Variants in NUDC observed in about 807,000 individuals in gnomAD.
The protein encoded by NUDC is nuclear distribution C, dynein complex regulator.
NUDC carries 14 observed loss-of-function variants against 45.0 expected under a neutral mutation model. That is an observed-to-expected ratio of 0.31 (90% CI 0.21 to 0.49). NUDC has a LOEUF of 0.49. NUDC is among the 20% of genes least tolerant of loss of function. The pLI is 0.99. For missense variants in NUDC, 323 were observed against 426.2 expected, an observed-to-expected ratio of 0.76 and a Z score of 2.13; for synonymous variants, 153 against 156.7, an observed-to-expected ratio of 0.98 and a Z score of 0.17.
intron 2 of NUDC, among the ~76,000 whole-genome samples, chr1:26,936,433 G>A (rs1451723151): frequency 6.6e-6 from 1 of 150,696 alleles, no homozygotes. Context: ...CAGGTGATCC[G>A]CCTGCCTCGG....
intron 8 of NUDC, 64 bp from the exon 9 acceptor site, chr1:26,946,066 C>A: frequency 6.6e-7 from 1 of 1,505,620 alleles, no homozygotes; most frequent in Non-Finnish European, 9.2e-7. Context: ...CACGGGGGTG[C>A]TGGGAGAAGG....
In NUDC at chr1:26,905,711, G is replaced by A. The variant is rs1461562839; in HGVS notation, c.-16+3345G>A. Among the ~76,000 whole-genome samples the A allele has an allele frequency of 1.6e-4, 25 of 152,062 alleles. No individual in the cohort carries two copies. The Admixed American group carries it at 1.6e-3, about 10-fold the overall frequency. On this transcript the variant is annotated intron_variant, in intron 2 of 6. Transcript: ENST00000435827. ...AGGGTATCCCTCACAGAGGAATCTT[G>A]ATGGCTTGCTGCATGCAGGAAGAGG...
chr1:26,940,568 T>C (rs1360692245), intron 2 of NUDC, among the ~76,000 whole-genome samples: 1 of 152,066 alleles, frequency 6.6e-6, no homozygotes, highest in Non-Finnish European at 1.5e-5. Context: ...TGGACTGTGG[T>C]CTTGGAGACA....
rs763022579 is a variant in NUDC at position 26,946,210 on chromosome 1, G to C, written c.*29G>C. On this transcript the variant is annotated 3_prime_UTR_variant, in exon 9 of 9. Transcript: ENST00000321265. Reference sequence around the variant, plus strand: ...CTGTTTTTTCCTCCCTGAACTCTTGGGGCTGAGCTGCAACCACCCAACTTT... The same window carrying C: ...CTGTTTTTTCCTCCCTGAACTCTTGCGGCTGAGCTGCAACCACCCAACTTT... 5.0e-6 allele frequency: 8 copies of C among 1,596,938 alleles called. No individual in the cohort carries two copies. The South Asian group carries it at 8.8e-5, about 18-fold the overall frequency.
chr1:26,900,203 CTG>C (rs1219366737), upstream of NUDC: 7 of 1,614,124 alleles, frequency 4.3e-6, no homozygotes. Flanking sequence ...TGGCCGAAGT[CTG>C]AGAGAGAAGC....
chr1:26,901,662 C>T (rs1333420002), intron 1 of NUDC, among the ~76,000 whole-genome samples: 1 of 152,076 alleles, frequency 6.6e-6, no homozygotes, highest in Non-Finnish European at 1.5e-5. Context: ...GCCTTGGCCT[C>T]CCAAAGTGCT....
At chr1:26,936,734 CAA>C (rs2082237592) in intron 2 of NUDC, among the ~76,000 whole-genome samples, 1 of 152,122 alleles carries the variant, frequency 6.6e-6, no homozygotes, top group Non-Finnish European at 1.5e-5. Flanking sequence ...TTTGTCCTGG[CAA>C]AGTTTCCCAC....
At chr1:26,937,471 G>A (rs569048310) in intron 2 of NUDC, among the ~76,000 whole-genome samples, 2 of 151,870 alleles carry the variant, frequency 1.3e-5, no homozygotes, top group Non-Finnish European at 2.9e-5. Context: ...TGGTATAGAC[G>A]GGGTCTCACC....
intron 2 of NUDC, among the ~76,000 whole-genome samples, chr1:26,907,877 T>A (rs2082009110): frequency 6.6e-6 from 1 of 152,140 alleles, no homozygotes; most frequent in South Asian, 2.1e-4. Flanking sequence ...TTCACAGGTT[T>A]GAGTACAAGT....
At chr1:26,912,650 G>A (rs766382977) in intron 3 of NUDC, among the ~76,000 whole-genome samples, 2 of 152,112 alleles carry the variant, frequency 1.3e-5, no homozygotes, top group African/African-American at 2.4e-5. Flanking sequence ...CCGCTCTCCT[G>A]GCCGAATTCC....
At chr1:26,932,285 T>C (rs891608019) in intron 2 of NUDC, among the ~76,000 whole-genome samples, 1 of 151,794 alleles carries the variant, frequency 6.6e-6, no homozygotes, top group African/African-American at 2.4e-5. Context: ...CAAGCGATTC[T>C]CCTGCCTCAG....
intron 1 of NUDC, chr1:26,922,154 A>C (rs10493037): frequency 1.7e-6 from 1 of 589,924 alleles, no homozygotes; most frequent in South Asian, 2.0e-5. Flanking sequence ...AAATTATCGC[A>C]TCCCTGAGCT....
In NUDC at chr1:26,922,013, A is replaced by T. The variant is rs560591379; in HGVS notation, c.81+84A>T. ...TCTCTGCCTTCGAGGGCTGAGACCCACCCCAGCGGCTCGCGGGCTTCTGGG... is the reference window on the plus strand; with the variant it reads ...TCTCTGCCTTCGAGGGCTGAGACCCTCCCCAGCGGCTCGCGGGCTTCTGGG... On this transcript the variant is annotated intron_variant, in intron 1 of 8. Coordinates refer to ENST00000321265, the MANE Select transcript of NUDC (RefSeq NM_006600.4). The T allele has an allele frequency of 5.1e-6, 7 of 1,379,020 alleles. No homozygotes were observed. The Admixed American group carries it at 7.9e-5, about 16-fold the overall frequency. The allele number at this position is 1,379,020 out of a possible 1,614,324, so 85.4% of individuals were successfully genotyped here. A position where few individuals can be genotyped will look rare whatever the true frequency, so the allele number is the denominator to read the frequency against.
At chr1:26,933,648 A>T (rs2082201663) in intron 2 of NUDC, among the ~76,000 whole-genome samples, 1 of 150,674 alleles carries the variant, frequency 6.6e-6, no homozygotes. Flanking sequence ...TCCTGACCTC[A>T]GGTGATCCAC....
chr1:26,934,859 G>C (rs572692252), intron 2 of NUDC, among the ~76,000 whole-genome samples: 15 of 152,038 alleles, frequency 9.9e-5, no homozygotes, highest in African/African-American at 3.6e-4. Context: ...GGGTTTCACC[G>C]TGTTAGCCAG....
In NUDC at chr1:26,900,430, C is replaced by T. The variant is rs188349277; in HGVS notation, c.-101+30C>T. The T allele has an allele frequency of 6.2e-5, 99 of 1,608,916 alleles. No individual in the cohort carries two copies. The East Asian group carries it at 1.9e-3, about 31-fold the overall frequency. ...ACTGTCGCCTCCTCCTCCGCCTCGC[C>T]GGGCACCGCCATCTTGGATTGTCAC... On this transcript the variant is annotated intron_variant, in intron 1 of 6. Transcript: ENST00000435827.
chr1:26,937,933 G>T (rs1448008537), intron 2 of NUDC, among the ~76,000 whole-genome samples: 1 of 152,184 alleles, frequency 6.6e-6, no homozygotes, highest in Non-Finnish European at 1.5e-5. Flanking sequence ...ACAGATGGGA[G>T]CCCCCGTGCC....
intron 2 of NUDC, among the ~76,000 whole-genome samples, chr1:26,940,811 G>C (rs2082270149): frequency 6.6e-6 from 1 of 152,150 alleles, no homozygotes; most frequent in South Asian, 2.1e-4. Flanking sequence ...TCAGCCTCCT[G>C]AGTAGCTGGG....
At chr1:26,921,434 T>C (rs1317197039), upstream of NUDC, among the ~76,000 whole-genome samples, 1 of 150,790 alleles carries the variant, frequency 6.6e-6, no homozygotes, top group Non-Finnish European at 1.5e-5. Context: ...GCTGGGGGGG[T>C]CGCTAGCAAG....
Sources: gnomAD v4.1 joint callset for allele counts (sites outside exome capture counted in the v4.1 genomes callset) on GRCh38, gnomAD v4.1.1 for gene constraint, MANE v1.5 for transcripts, NCBI Gene and HGNC (gene_info 2026-07-23, HGNC 2026-07-21) for gene names.